TMC5: variants seen among roughly 807,000 people sequenced by gnomAD.
TMC5 encodes transmembrane channel like 5.
In TMC5, 86 loss-of-function variants were observed where a neutral mutation model predicts 110.5. That is an observed-to-expected ratio of 0.78 (90% confidence interval 0.65 to 0.93). The LOEUF (loss-of-function observed/expected upper bound fraction) is 0.93, where lower values mean the gene tolerates loss of function less well. Ranked by LOEUF, TMC5 falls within the 40% of genes least tolerant of loss-of-function variation. The pLI, the probability that TMC5 is intolerant of heterozygous loss-of-function variation, is 0.00. For missense variants in TMC5, 1,144 were observed against 1,222.8 expected, an observed-to-expected ratio of 0.94 and a Z score of 0.96; for synonymous variants, 455 against 439.5, an observed-to-expected ratio of 1.04 and a Z score of -0.44.
intron 13 of TMC5, among the ~76,000 whole-genome samples, chr16:19,477,794 A>T (rs1968525277): frequency 6.6e-6 from 1 of 152,116 alleles, no homozygotes; most frequent in South Asian, 2.1e-4. Flanking sequence ...TCATCTGTAA[A>T]ATTGGGATTA....
intron 1 of TMC5, chr16:19,411,232 C>G (rs1366376978): frequency 6.6e-6 from 1 of 152,222 alleles, no homozygotes; most frequent in African/African-American, 2.4e-5. Context: ...GCTTTGGAAG[C>G]GCACTATTTG....
chr16:19,446,684 A>C (rs1967621980), intron 4 of TMC5, among the ~76,000 whole-genome samples: 1 of 152,218 alleles, frequency 6.6e-6, no homozygotes, highest in African/African-American at 2.4e-5. Context: ...TCTCTACCCA[A>C]AACCTGACCT....
At position 19,497,946 on chromosome 16, in the gene TMC5, G is replaced by A; in HGVS notation, c.3001G>A (p.Glu1001Lys). The change falls in exon 22 of 22, where the codon GAA becomes AAA. Residue 1001 changes from glutamate (E) to lysine (K), a missense_variant. Physicochemically the swap from Glu to Lys is moderately conservative, Grantham distance 56. Transcript: ENST00000542583. ...LDLRSRRSVQ[E>K]GNPRA ...CTTGCGATCTAGAAGATCAGTTCAA[G>A]AAGGTAATCCAAGGGCCTGATGACT... The A allele has an allele frequency of 6.2e-7, 1 of 1,614,104 alleles. No homozygotes were observed. The highest frequency in any genetic ancestry group is 8.5e-7 in the Non-Finnish European group (1 of 1,179,988).
chr16:19,461,078 C>T (rs1487556060), intron 6 of TMC5, among the ~76,000 whole-genome samples: 1 of 152,098 alleles, frequency 6.6e-6, no homozygotes. Context: ...AAATGGACAT[C>T]GGTGGAAAAA....
chr16:19,497,254 A>T, intron 21 of TMC5, 91 bp downstream of exon 21: 1 of 1,338,698 alleles, frequency 7.5e-7, no homozygotes. Context: ...TGTGTCCATT[A>T]CTTTTTCAGT....
chr16:19,425,089 A>G (rs1410597719), intron 1 of TMC5, among the ~76,000 whole-genome samples: 1 of 152,192 alleles, frequency 6.6e-6, no homozygotes, highest in Non-Finnish European at 1.5e-5. Flanking sequence ...CACTCCCATC[A>G]CCTAAGAAAT....
At chr16:19,477,646 A>G in intron 13 of TMC5, 128 bp downstream of exon 13, 1 of 682,248 alleles carries the variant, frequency 1.5e-6, no homozygotes, top group Non-Finnish European at 2.4e-6. Context: ...GAGAATGAAA[A>G]CTAATCTGGA....
chr16:19,468,481 C>G (rs1177873979), intron 9 of TMC5, among the ~76,000 whole-genome samples: 3 of 152,114 alleles, frequency 2.0e-5, no homozygotes, highest in East Asian at 1.9e-4. Flanking sequence ...CCCCGACCCC[C>G]CCCAGAGAAG....
intron 17 of TMC5, among the ~76,000 whole-genome samples, chr16:19,488,262 C>G (rs973889131): frequency 1.3e-5 from 2 of 152,144 alleles, no homozygotes; most frequent in African/African-American, 4.8e-5. Flanking sequence ...GTGCCTAACT[C>G]AAGTTCCCTG....
chr16:19,460,476 C>G, intron 6 of TMC5, 142 bp downstream of exon 6: 1 of 570,192 alleles, frequency 1.8e-6, no homozygotes, highest in East Asian at 3.1e-5. Flanking sequence ...CAAATGCCCT[C>G]TGTAGGTACT....
Position 19,489,435 on chromosome 16 carries a change from C to T in TMC5, c.2574-960C>T, listed in dbSNP as rs919599178. Among the ~76,000 whole-genome samples the T allele has an allele frequency of 6.6e-5, 10 of 152,148 alleles. 1 individual carries two copies. Among genetic ancestry groups the T allele is most frequent in the Non-Finnish European group, 1.2e-4 (8 of 67,996 alleles). On this transcript the variant is annotated intron_variant, in intron 17 of 21. Transcript: ENST00000542583. Reference sequence around the variant, plus strand: ...CTGCAAGCTCCGCCTCCCAGGTTCACGCCCTTCTCCTGCCTCAGCCTCCTG... The same window carrying T: ...CTGCAAGCTCCGCCTCCCAGGTTCATGCCCTTCTCCTGCCTCAGCCTCCTG...
chr16:19,424,576 G>A (rs1179676516), intron 1 of TMC5, among the ~76,000 whole-genome samples: 1 of 152,184 alleles, frequency 6.6e-6, no homozygotes, highest in East Asian at 1.9e-4. Flanking sequence ...TTCAACCTGG[G>A]AGGCAGAGGT....
intron 12 of TMC5, among the ~76,000 whole-genome samples, chr16:19,476,045 A>G (rs1968481540): frequency 6.6e-6 from 1 of 152,130 alleles, no homozygotes; most frequent in Non-Finnish European, 1.5e-5. Context: ...GATTATATCC[A>G]ATTCATATTA....
At chr16:19,475,420 T>C (rs1404521244) in intron 12 of TMC5, among the ~76,000 whole-genome samples, 1 of 148,522 alleles carries the variant, frequency 6.7e-6, no homozygotes, top group African/African-American at 2.5e-5. Context: ...AGACTCCATC[T>C]CAGAAAAAAA....
Position 19,466,231 on chromosome 16 carries a change from C to G in TMC5, c.1635C>G (p.Phe545Leu), listed in dbSNP as rs781729249. The part of the protein sequence containing the change: ...CLTTCFFSLL[F>L]SMAKYFRNNF... ...CCACCTGCTTCTTCAGTTTGCTGTT[C>G]AGGTATGGAAGCATCTACATTTCCT... The change falls in exon 9 of 22, where the codon TTC becomes TTG. Residue 545 changes from phenylalanine to leucine, a missense_variant and splice_region_variant. Coordinates refer to ENST00000542583, the MANE Select transcript of TMC5 (RefSeq NM_001261841.2). The G allele has an allele frequency of 9.3e-6, 15 of 1,613,974 alleles. 1 individual carries two copies. In the South Asian group the frequency reaches 1.3e-4, roughly 14 times the overall value.
chr16:19,452,625 G>A (rs545613952), intron 5 of TMC5, among the ~76,000 whole-genome samples: 2 of 152,296 alleles, frequency 1.3e-5, no homozygotes, highest in East Asian at 3.9e-4. Flanking sequence ...GCTGAGGCAG[G>A]GGAATCACTT....
At chr16:19,445,420 T>C (rs1967592197) in intron 4 of TMC5, among the ~76,000 whole-genome samples, 3 of 152,044 alleles carry the variant, frequency 2.0e-5, no homozygotes, top group Admixed American at 2.0e-4. Flanking sequence ...TTTTTTATGC[T>C]TGAGAAAGAT....
chr16:19,440,561 C>A lies in TMC5; in HGVS notation c.523C>A (p.Pro175Thr), dbSNP rs201262832. 1.4e-4 allele frequency: 231 copies of A among 1,614,052 alleles called. No homozygotes were observed. The highest frequency in any genetic ancestry group is 1.9e-4 in the Non-Finnish European group (230 of 1,180,038). The change falls in exon 3 of 22, where the codon CCC (proline) becomes ACC (threonine). Residue 175 changes from proline to threonine, a missense_variant. Transcript: ENST00000542583. ...GAQSNSDHPGPRANLNHPGSR... is the reference protein window; with the variant it reads ...GAQSNSDHPGTRANLNHPGSR... ...TCAGAGCAACTCTGATCATCCTGGA[C>A]CCAGAGCCAATTTGAACCATCCAGG... is the stretch of plus-strand genomic sequence containing the variant.
rs1303934454 is a variant in TMC5, at chr16:19,440,259, A to T, written c.221A>T (p.Tyr74Phe). 6.2e-7 allele frequency: 1 copy of T among 1,614,006 alleles called. No individual in the cohort carries two copies. Among genetic ancestry groups the T allele is most frequent in the Non-Finnish European group, 8.5e-7 (1 of 1,180,034 alleles). ...CCTGGGTCTCTGGCAGAACCAAATTATCCTAGATCTCTGAGTAATCCAGAC... is the reference window on the plus strand; with the variant it reads ...CCTGGGTCTCTGGCAGAACCAAATTTTCCTAGATCTCTGAGTAATCCAGAC... Reference protein sequence around the residue: ...DYPGSLAEPNYPRSLSNPDYS... With the variant: ...DYPGSLAEPNFPRSLSNPDYS... The change falls in exon 3 of 22, where the codon TAT becomes TTT. Residue 74 changes from tyrosine to phenylalanine, a missense_variant. Coordinates refer to ENST00000542583, the MANE Select transcript of TMC5 (RefSeq NM_001261841.2).
Sources: allele counts gnomAD v4.1 joint callset (sites outside exome capture counted in the v4.1 genomes callset), GRCh38; gene constraint gnomAD v4.1.1; transcripts MANE v1.5; gene names NCBI Gene and HGNC (gene_info 2026-07-23, HGNC 2026-07-21).